THSD7B: variants seen among roughly 807,000 people sequenced by gnomAD.
THSD7B encodes thrombospondin type 1 domain containing 7B, also known as thrombospondin type-1 domain-containing protein 7B.
A neutral mutation model predicts 213.6 loss-of-function variants in THSD7B; 138 were observed. The observed-to-expected ratio is 0.65, with a 90% confidence interval of 0.56 to 0.74. The LOEUF (loss-of-function observed/expected upper bound fraction) is 0.74. Among genes scored for constraint, THSD7B ranks in the 30% least tolerant of loss-of-function variants. THSD7B has a pLI of 0.00. For missense variants in THSD7B, 1,931 were observed against 1,991.5 expected (o/e 0.97, Z 0.58); for synonymous variants, 742 against 687.0 (o/e 1.08, Z -1.25).
At chr2:137,036,327 G>C (rs558466601) in intron 2 of THSD7B, among the ~76,000 whole-genome samples, 1 of 151,866 alleles carries the variant, frequency 6.6e-6, no homozygotes, top group African/African-American at 2.4e-5. Context: ...TAATCTTTTC[G>C]TTACATCTTT....
chr2:137,539,047 C>T (rs573066284), intron 15 of THSD7B, among the ~76,000 whole-genome samples: 10 of 151,778 alleles, frequency 6.6e-5, no homozygotes, highest in African/African-American at 2.4e-4. Flanking sequence ...TAGATTATAT[C>T]AATATCTCAT....
chr2:137,463,987 A>G lies in THSD7B; in HGVS notation c.3138+12964A>G, dbSNP rs527370961. 1.9e-4 allele frequency among the ~76,000 whole-genome samples: 29 copies of G among 152,184 alleles called. 2 individuals are homozygous for G. In the South Asian group the frequency reaches 6.0e-3, roughly 32 times the overall value. ...TGTTTGTAAGGCTGGTCCTCTGTGTAATCAGAGTTGTAGGTCTGGGTTGTA... is the reference window on the plus strand; with the variant it reads ...TGTTTGTAAGGCTGGTCCTCTGTGTGATCAGAGTTGTAGGTCTGGGTTGTA... On this transcript the variant is annotated intron_variant, in intron 15 of 27. Transcript: ENST00000409968.
In THSD7B at chr2:137,394,299, A is replaced by G. The variant is rs1482237387; in HGVS notation, c.2501-11314A>G. On this transcript the variant is annotated intron_variant, in intron 12 of 27. Coordinates refer to ENST00000409968, the MANE Select transcript of THSD7B (RefSeq NM_001316349.2). ...CTAGGGTTTTTATGGTTTTAGGTCT[A>G]AGGTTTAAGGCTTTAATCCATCTTG... Among the ~76,000 whole-genome samples, 103 of 123,584 alleles carry G rather than the reference A, an allele frequency of 8.3e-4. 19 individuals are homozygous for G. Among genetic ancestry groups the G allele is most frequent in the African/African-American group, 2.9e-3 (100 of 34,016 alleles). 81.1% of individuals were successfully genotyped at this position (123,584 alleles called of 152,430 possible).
chr2:136,827,826 G>A (rs1004152840), intron 1 of THSD7B, among the ~76,000 whole-genome samples: 1 of 151,968 alleles, frequency 6.6e-6, no homozygotes, highest in East Asian at 1.9e-4. Context: ...AAATATTAAG[G>A]AGAATAAAAG....
intron 15 of THSD7B, among the ~76,000 whole-genome samples, chr2:137,557,933 A>T (rs184265914): frequency 4.5e-4 from 69 of 152,300 alleles, no homozygotes; most frequent in African/African-American, 1.5e-3. Flanking sequence ...TACTATAAAC[A>T]CCTCTATGCA....
At chr2:137,241,917 A>G (rs1249590089) in intron 9 of THSD7B, among the ~76,000 whole-genome samples, 1 of 151,938 alleles carries the variant, frequency 6.6e-6, no homozygotes, top group Non-Finnish European at 1.5e-5. Context: ...TCAGGAAAAA[A>G]AAAAAAAAAG....
Position 137,056,943 on chromosome 2 carries a change from TGAGTC to T in THSD7B, c.664_668del (p.Glu222LysfsTer4). 1.2e-6 allele frequency: 2 copies of T among 1,613,940 alleles called. No homozygotes were observed. Among genetic ancestry groups the T allele is most frequent in the Non-Finnish European group, 1.7e-6 (2 of 1,179,872 alleles). On this transcript the variant is annotated frameshift_variant, in exon 3 of 28. Transcript: ENST00000409968. LOFTEE classifies it high-confidence loss of function. ...GTGGTTTGCAATGTCCAAATCTGAC[TGAGTC>T]AAGAGCCTGTGATGCTCCCATTTCC...
At chr2:137,192,498 G>A (rs1287313703) in intron 7 of THSD7B, among the ~76,000 whole-genome samples, 1 of 152,174 alleles carries the variant, frequency 6.6e-6, no homozygotes, top group Non-Finnish European at 1.5e-5. Context: ...TTGTATACTT[G>A]AGAAGAGAGA....
chr2:137,406,402 A>T (rs897721896), intron 13 of THSD7B, among the ~76,000 whole-genome samples: 1 of 152,228 alleles, frequency 6.6e-6, no homozygotes, highest in South Asian at 2.1e-4. Context: ...TTTTGCCTGC[A>T]GTATGCAAAT....
At chr2:137,595,181 G>A (rs1043867268) in intron 17 of THSD7B, among the ~76,000 whole-genome samples, 4 of 151,876 alleles carry the variant, frequency 2.6e-5, no homozygotes, top group Non-Finnish European at 5.9e-5. Flanking sequence ...ATATGTTATG[G>A]CCTCAAAATT....
At chr2:137,464,869 G>A (rs1029389625) in intron 15 of THSD7B, among the ~76,000 whole-genome samples, 2 of 151,898 alleles carry the variant, frequency 1.3e-5, no homozygotes, top group African/African-American at 4.8e-5. Flanking sequence ...CCCAGTGGTC[G>A]ATTAGATATG....
chr2:137,324,801 G>A (rs1684332442), intron 12 of THSD7B, among the ~76,000 whole-genome samples: 1 of 152,184 alleles, frequency 6.6e-6, no homozygotes, highest in African/African-American at 2.4e-5. Flanking sequence ...ATAGGATCAA[G>A]AAGACAAATT....
intron 1 of THSD7B, among the ~76,000 whole-genome samples, chr2:136,824,385 T>C (rs553910116): frequency 5.6e-4 from 85 of 152,188 alleles, no homozygotes; most frequent in African/African-American, 2.0e-3. Context: ...TATTTAATAT[T>C]ATCTGAGATT....
intron 12 of THSD7B, among the ~76,000 whole-genome samples, chr2:137,363,868 G>A (rs140431791): frequency 0.036 from 5,507 of 152,230 alleles, 343 homozygotes; most frequent in African/African-American, 0.13. Context: ...GAAAAAGGGG[G>A]AATCCCCCCT....
rs1420013999 is a variant in THSD7B, at chr2:137,395,231, G to C, written c.2501-10382G>C. ...AGGAGTGGTGAGAGAGGGCATCCCTGTCTTTTGCCAGTTTTCAAAGGGAAT... is the reference window on the plus strand; with the variant it reads ...AGGAGTGGTGAGAGAGGGCATCCCTCTCTTTTGCCAGTTTTCAAAGGGAAT... On this transcript the variant is annotated intron_variant, in intron 12 of 27. Coordinates refer to ENST00000409968, the MANE Select transcript of THSD7B (RefSeq NM_001316349.2). Among the ~76,000 whole-genome samples, 7 of 144,596 alleles carry C rather than the reference G, an allele frequency of 4.8e-5. No individual in the cohort carries two copies. In the South Asian group the frequency reaches 1.1e-3, roughly 24 times the overall value. The allele number at this position is 144,596 out of a possible 152,430, so 94.9% of individuals were successfully genotyped here. A position where few individuals can be genotyped will look rare whatever the true frequency, so the allele number is the denominator to read the frequency against.
In THSD7B at chr2:136,792,252, G is replaced by A. The variant is rs181025123; in HGVS notation, c.-36+26565G>A. ...TAAGTGCAAATTGTAAGTGAAAGGG[G>A]CCAATCTGAAAAGGCAACATAATGA... On this transcript the variant is annotated intron_variant, in intron 1 of 27. Coordinates refer to ENST00000409968, the MANE Select transcript of THSD7B (RefSeq NM_001316349.2). Among the ~76,000 whole-genome samples the A allele has an allele frequency of 1.4e-4, 22 of 151,974 alleles. No homozygotes were observed. The East Asian group carries it at 2.9e-3, about 20-fold the overall frequency.
At chr2:137,407,584 T>A (rs1277122589) in intron 13 of THSD7B, among the ~76,000 whole-genome samples, 1 of 152,196 alleles carries the variant, frequency 6.6e-6, no homozygotes, top group East Asian at 1.9e-4. Context: ...CTAAGTAATT[T>A]GGTAGTAAAT....
intron 2 of THSD7B, among the ~76,000 whole-genome samples, chr2:136,903,102 CGAT>C (rs1553456793): frequency 6.6e-6 from 1 of 152,154 alleles, no homozygotes; most frequent in Non-Finnish European, 1.5e-5. Flanking sequence ...GTAGCATTTA[CGAT>C]GGCCCTTGCC....
chr2:137,659,283 C>T (rs146052153), intron 24 of THSD7B, among the ~76,000 whole-genome samples: 112 of 152,250 alleles, frequency 7.4e-4, no homozygotes, highest in Non-Finnish European at 1.0e-3. Flanking sequence ...TGCTCAGGAG[C>T]TGAAGCAGTA....
Sources: allele counts gnomAD v4.1 joint callset (sites outside exome capture counted in the v4.1 genomes callset), GRCh38; gene constraint gnomAD v4.1.1; transcripts MANE v1.5; gene names NCBI Gene and HGNC (gene_info 2026-07-23, HGNC 2026-07-21).